NEURL1: variants seen among roughly 807,000 people sequenced by gnomAD.
NEURL1 encodes E3 ubiquitin-protein ligase NEURL1.
NEURL1 carries 26 observed loss-of-function variants against 41.2 expected under a neutral mutation model. That is an observed-to-expected ratio of 0.63 (90% CI 0.46 to 0.87). The LOEUF is 0.87. Ranked by LOEUF, NEURL1 falls within the 40% of genes least tolerant of loss-of-function variation. NEURL1 has a pLI of 0.00. For missense variants in NEURL1, 761 were observed against 871.1 expected (o/e 0.87, Z 1.59); for synonymous variants, 400 against 402.3 (o/e 0.99, Z 0.07).
chr10:103,579,521 A>G (rs543319686), intron 3 of NEURL1, among the ~76,000 whole-genome samples: 1 of 152,286 alleles, frequency 6.6e-6, no homozygotes, highest in Non-Finnish European at 1.5e-5. Flanking sequence ...TCCTGACCCT[A>G]GGGCCATTCT....
chr10:103,581,756 G>A (rs1445463988), intron 3 of NEURL1, among the ~76,000 whole-genome samples: 1 of 152,142 alleles, frequency 6.6e-6, no homozygotes, highest in Non-Finnish European at 1.5e-5. Flanking sequence ...TACTGAGTCT[G>A]GTTTTGTTCA....
chr10:103,533,375 CT>C (rs1056104792), intron 1 of NEURL1, among the ~76,000 whole-genome samples: 35 of 140,750 alleles, frequency 2.5e-4, no homozygotes, highest in Non-Finnish European at 2.8e-4. Flanking sequence ...TTTTTCTTTT[CT>C]TTTTTTTTTT....
At chr10:103,532,081 C>T (rs182388735) in intron 1 of NEURL1, among the ~76,000 whole-genome samples, 125 of 152,290 alleles carry the variant, frequency 8.2e-4, no homozygotes, top group Non-Finnish European at 1.5e-3. Context: ...TGTGTCTTTA[C>T]AGGTGAAGTG....
chr10:103,575,550 G>C (rs995232494), intron 3 of NEURL1, among the ~76,000 whole-genome samples: 2 of 152,248 alleles, frequency 1.3e-5, no homozygotes, highest in African/African-American at 4.8e-5. Context: ...GGCCATGGAT[G>C]GGTTGTGTCC....
intron 1 of NEURL1, among the ~76,000 whole-genome samples, chr10:103,497,886 G>A (rs2033724290): frequency 6.6e-6 from 1 of 152,156 alleles, no homozygotes; most frequent in South Asian, 2.1e-4. Flanking sequence ...AGATATGTGG[G>A]CAGAGGTCAG....
chr10:103,519,140 G>A (rs542608961), intron 1 of NEURL1, among the ~76,000 whole-genome samples: 3 of 152,104 alleles, frequency 2.0e-5, no homozygotes, highest in East Asian at 1.9e-4. Context: ...CCAGCTACTC[G>A]GGAGGCTAAG....
chr10:103,509,679 G>T (rs569892496), intron 1 of NEURL1, among the ~76,000 whole-genome samples: 2 of 152,316 alleles, frequency 1.3e-5, no homozygotes, highest in Non-Finnish European at 2.9e-5. Context: ...GGCCAGATCG[G>T]CTTTTGAAGA....
chr10:103,544,803 T>C (rs1052619827), intron 1 of NEURL1, among the ~76,000 whole-genome samples: 1 of 152,176 alleles, frequency 6.6e-6, no homozygotes, highest in East Asian at 1.9e-4. Context: ...ATTTGCCTGC[T>C]GGTGGAGCCC....
intron 1 of NEURL1, among the ~76,000 whole-genome samples, chr10:103,513,846 A>G (rs898733465): frequency 6.6e-6 from 1 of 151,850 alleles, no homozygotes; most frequent in Non-Finnish European, 1.5e-5. Context: ...CCTCTGGGGC[A>G]GGCTAGTGTG....
At chr10:103,507,524 G>A (rs892117590) in intron 1 of NEURL1, among the ~76,000 whole-genome samples, 4 of 152,176 alleles carry the variant, frequency 2.6e-5, no homozygotes, top group African/African-American at 9.7e-5. Flanking sequence ...AGGAGAGGGA[G>A]CTGTTGGGGA....
chr10:103,588,979 C>T (rs764568766), intron 4 of NEURL1: 10 of 427,162 alleles, frequency 2.3e-5, no homozygotes, highest in East Asian at 7.3e-5. Flanking sequence ...AAGTGAGTGA[C>T]GGAAGGAGGA....
intron 1 of NEURL1, among the ~76,000 whole-genome samples, chr10:103,517,059 C>T (rs1255886350): frequency 7.2e-6 from 1 of 137,994 alleles, no homozygotes; most frequent in Non-Finnish European, 1.6e-5. Flanking sequence ...CAGGGTCCTA[C>T]TCTGTCACCC....
rs1411172033 is a variant in NEURL1, at chr10:103,558,717, C to A, written c.86-12155C>A. Among the ~76,000 whole-genome samples, 2 of 152,096 alleles carry A rather than the reference C, an allele frequency of 1.3e-5. No individual in the cohort carries two copies. Among genetic ancestry groups the A allele is most frequent in the Non-Finnish European group, 2.9e-5 (2 of 68,008 alleles). ...GGTCTTGAGAGCAGGCTGACAGGGG[C>A]GGGAAGGGTAGTGCGAAGAGGGAGG... On this transcript the variant is annotated intron_variant, in intron 1 of 5. Transcript: ENST00000369780. This position sits in a 1 kb window ranked among gnomAD's most constrained non-coding sequence, Gnocchi z 4.2.
intron 1 of NEURL1, among the ~76,000 whole-genome samples, chr10:103,506,751 G>C (rs1419744365): frequency 1.3e-5 from 2 of 152,090 alleles, no homozygotes; most frequent in Non-Finnish European, 2.9e-5. Flanking sequence ...GTAGAGACAG[G>C]GTTTCACCAT....
intron 1 of NEURL1, among the ~76,000 whole-genome samples, chr10:103,528,094 G>A (rs1411501887): frequency 6.6e-6 from 1 of 152,156 alleles, no homozygotes; most frequent in Non-Finnish European, 1.5e-5. Flanking sequence ...GTTGGCTCAT[G>A]CCTGTAATCC....
chr10:103,516,000 G>T (rs550747246), intron 1 of NEURL1, among the ~76,000 whole-genome samples: 1 of 152,114 alleles, frequency 6.6e-6, no homozygotes, highest in Non-Finnish European at 1.5e-5. Flanking sequence ...GGCCAAGGCA[G>T]GTGGATCACT....
At chr10:103,549,790 T>C (rs1171333749) in intron 1 of NEURL1, among the ~76,000 whole-genome samples, 2 of 152,156 alleles carry the variant, frequency 1.3e-5, no homozygotes, top group African/African-American at 2.4e-5. Context: ...CCTTGTCCAG[T>C]GTTGTCTTCT....
intron 1 of NEURL1, among the ~76,000 whole-genome samples, chr10:103,559,773 C>G (rs1369257852): frequency 1.3e-5 from 2 of 152,114 alleles, no homozygotes; most frequent in Non-Finnish European, 2.9e-5. Context: ...ACAGAGTGTG[C>G]TTTTATGAAG....
intron 1 of NEURL1, among the ~76,000 whole-genome samples, chr10:103,544,551 T>A (rs1421148679): frequency 1.3e-5 from 2 of 152,200 alleles, no homozygotes; most frequent in African/African-American, 4.8e-5. Context: ...GAAAACTGTG[T>A]CCCGAGAGGG....
Sources: gnomAD v4.1 joint callset for allele counts (sites outside exome capture counted in the v4.1 genomes callset) on GRCh38, gnomAD v4.1.1 for gene constraint, Gnocchi (gnomAD v3.1) non-coding constraint, MANE v1.5 for transcripts, NCBI Gene and HGNC (gene_info 2026-07-23, HGNC 2026-07-21) for gene names.